Variants in ZNF443 observed in about 807,000 individuals in gnomAD.
The protein encoded by ZNF443 is zinc finger protein 443, also known as Kruppel-type zinc finger (C2H2).
A neutral mutation model predicts 12.0 loss-of-function variants in ZNF443; 3 were observed. That is an observed-to-expected ratio of 0.25 (90% confidence interval 0.11 to 0.64). The LOEUF is 0.64. ZNF443 is among the 30% of genes least tolerant of loss of function. ZNF443 has a pLI of 0.84. For missense variants in ZNF443, 770 were observed against 808.8 expected, an observed-to-expected ratio of 0.95 and a Z score of 0.58; for synonymous variants, 225 against 265.9, an observed-to-expected ratio of 0.85 and a Z score of 1.50.
chr19:12,440,089 G>A (rs1970349512), intron 1 of ZNF443, among the ~76,000 whole-genome samples: 1 of 152,052 alleles, frequency 6.6e-6, no homozygotes, highest in African/African-American at 2.4e-5. Flanking sequence ...GGAAACCACA[G>A]CTCCTCCCAC....
chr19:12,438,097 A>C (rs1003604138), intron 1 of ZNF443, among the ~76,000 whole-genome samples: 2 of 59,670 alleles, frequency 3.4e-5, no homozygotes, highest in Non-Finnish European at 6.6e-5. Flanking sequence ...ATGCTGTCTC[A>C]AAAAAAAAAA....
At chr19:12,433,644 CATA>C (rs1418958409) in intron 1 of ZNF443, among the ~76,000 whole-genome samples, 1 of 152,026 alleles carries the variant, frequency 6.6e-6, no homozygotes, top group Non-Finnish European at 1.5e-5. Flanking sequence ...GCCCCAGGAG[CATA>C]ATAACAGGGG....
At chr19:12,438,424 T>G (rs1231573084) in intron 1 of ZNF443, among the ~76,000 whole-genome samples, 1 of 152,244 alleles carries the variant, frequency 6.6e-6, no homozygotes, top group African/African-American at 2.4e-5. Context: ...CTTCTTTAGC[T>G]GTTGGAAAGT....
Position 12,431,525 on chromosome 19 carries a change from T to C in ZNF443, c.647A>G (p.Glu216Gly). 6.2e-7 allele frequency: 1 copy of C among 1,614,156 alleles called. No individual in the cohort carries two copies. The highest frequency in any genetic ancestry group is 8.5e-7 in the Non-Finnish European group (1 of 1,179,996). ...TGGTTTCTCTCCAGTGTGCGTTCTT[T>C]CATGCATATGTAATAAACTGGGCCA... ...FFWPSLLHMHERTHTGEKPYE... is the reference protein window; with the variant it reads ...FFWPSLLHMHGRTHTGEKPYE... The change falls in exon 4 of 4, where the codon GAA becomes GGA. Residue 216 changes from glutamate (E) to glycine (G), a missense_variant. This residue lies in a region of ZNF443 where 736 missense variants were observed against 689.4 expected (regional missense o/e 1.07). Transcript: ENST00000301547.
rs7256321 is a variant in ZNF443, at chr19:12,430,400, G to T, written c.1772C>A (p.Pro591Gln). Residue 591 changes from proline to glutamine, a missense_variant, in exon 4 of 4, where the codon CCA (proline) becomes CAA (glutamine). Transcript: ENST00000301547. ...ATGAGTGAAGGCTTTACCACATTGTGGACATTCATAGGATTTCTCTCTCAT... is the reference window on the plus strand; with the variant it reads ...ATGAGTGAAGGCTTTACCACATTGTTGACATTCATAGGATTTCTCTCTCAT... The part of the protein sequence containing the change: ...IHMREKSYEC[P>Q]QCGKAFTHSR... 484,199 of 1,613,052 alleles carry T rather than the reference G, an allele frequency of 0.3. 75,735 individuals are homozygous for T. The highest frequency in any genetic ancestry group is 0.47 in the South Asian group (42,698 of 91,034).
At chr19:12,436,467 C>A (rs1477370783) in intron 1 of ZNF443, among the ~76,000 whole-genome samples, 1 of 151,316 alleles carries the variant, frequency 6.6e-6, no homozygotes, top group Admixed American at 6.6e-5. Context: ...GCAACAAGAG[C>A]GAACCTCTGT....
At chr19:12,435,828 C>A (rs951816089) in intron 1 of ZNF443, among the ~76,000 whole-genome samples, 1 of 151,730 alleles carries the variant, frequency 6.6e-6, no homozygotes, top group Admixed American at 6.6e-5. Flanking sequence ...ACAGTCTGTG[C>A]AAACATACTT....
At chr19:12,434,948 TG>T (rs1315740970) in intron 1 of ZNF443, among the ~76,000 whole-genome samples, 2 of 126,584 alleles carry the variant, frequency 1.6e-5, no homozygotes, top group Non-Finnish European at 3.2e-5. Flanking sequence ...GAAACAAGGC[TG>T]CTTTTTTTTT....
intron 1 of ZNF443, among the ~76,000 whole-genome samples, chr19:12,435,468 G>C (rs953658148): frequency 1.3e-5 from 2 of 152,274 alleles, no homozygotes; most frequent in African/African-American, 4.8e-5. Flanking sequence ...CCAGATATCA[G>C]GGTACTCAAA....
At chr19:12,432,126 G>A in intron 3 of ZNF443, 146 bp from the exon 4 acceptor site, 1 of 872,678 alleles carries the variant, frequency 1.1e-6, no homozygotes, top group East Asian at 2.7e-5. Flanking sequence ...GGAATGCTGT[G>A]CAAGGTAACT....
At chr19:12,435,718 C>T (rs1970302031) in intron 1 of ZNF443, among the ~76,000 whole-genome samples, 1 of 151,224 alleles carries the variant, frequency 6.6e-6, no homozygotes, top group African/African-American at 2.4e-5. Context: ...TATGCTTCAT[C>T]TTTTTTACTA....
At position 12,430,936 on chromosome 19, in the gene ZNF443, CAT is replaced by C. The variant is rs773684519; in HGVS notation, c.1234_1235del (p.Met412AspfsTer10). The C allele has an allele frequency of 2.5e-6, 4 of 1,613,754 alleles. No homozygotes were observed. Among genetic ancestry groups the C allele is most frequent in the Admixed American group, 1.7e-5 (1 of 59,984 alleles). The stretch of plus-strand genomic sequence containing the variant: ...GAGGTCCATCTCCAGTGTGCATTAT[CAT>C]ATGACTTCGAAAGCTTGAGCGATGA... ...LSHRSSFRSH[M>X]IMHTGDGPHK... On this transcript the variant is annotated frameshift_variant, in exon 4 of 4. Transcript: ENST00000301547. LOFTEE classifies it low-confidence loss of function (END_TRUNC).
chr19:12,437,364 C>T (rs1316176759), intron 1 of ZNF443, among the ~76,000 whole-genome samples: 2 of 150,178 alleles, frequency 1.3e-5, no homozygotes, highest in East Asian at 3.9e-4. Flanking sequence ...ACTATGATTG[C>T]TCCACTGCAC....
chr19:12,434,615 C>G (rs1440393058), intron 1 of ZNF443, among the ~76,000 whole-genome samples: 1 of 152,038 alleles, frequency 6.6e-6, no homozygotes, highest in Non-Finnish European at 1.5e-5. Flanking sequence ...ATGCTGGAAA[C>G]TTTCTCACCA....
Position 12,431,879 on chromosome 19 carries a change from G to A in ZNF443, c.293C>T (p.Pro98Leu), listed in dbSNP as rs371764874. ...QDSIVTKNTLPGVGPCESSMR... is the reference protein window; with the variant it reads ...QDSIVTKNTLLGVGPCESSMR... ...ACTGCTTTCACAAGGACCTACTCCA[G>A]GAAGAGTGTTCTTGGTCACAATACT... The change falls in exon 4 of 4, where the codon CCT becomes CTT. Residue 98 changes from proline to leucine, a missense_variant. This residue lies in a region of ZNF443 where 736 missense variants were observed against 689.4 expected (regional missense o/e 1.07). Coordinates refer to ENST00000301547, the MANE Select transcript of ZNF443 (RefSeq NM_005815.5). 1 of 1,614,062 alleles carries A rather than the reference G, an allele frequency of 6.2e-7. No homozygotes were observed. Among genetic ancestry groups the A allele is most frequent in the African/African-American group, 1.3e-5 (1 of 75,026 alleles).
In ZNF443 at chr19:12,440,919, C is replaced by T; in HGVS notation, c.-5G>A. The T allele has an allele frequency of 6.2e-7, 1 of 1,614,110 alleles. No homozygotes were observed. Among genetic ancestry groups the T allele is most frequent in the South Asian group, 1.1e-5 (1 of 91,086 alleles). On this transcript the variant is annotated 5_prime_UTR_variant, in exon 1 of 4. Coordinates refer to ENST00000301547, the MANE Select transcript of ZNF443 (RefSeq NM_005815.5). ...CCGGCCCAGCACACGCACCATTTCC[C>T]GACTTCCGCGGTGTCCCAGGTCCTA...
At chr19:12,438,612 A>T (rs1296374155) in intron 1 of ZNF443, among the ~76,000 whole-genome samples, 2 of 152,152 alleles carry the variant, frequency 1.3e-5, no homozygotes, top group Non-Finnish European at 2.9e-5. Context: ...TTTTGCAGCC[A>T]TAATGGAAGA....
At chr19:12,432,146 T>C (rs1224809028) in intron 3 of ZNF443, 166 bp from the exon 4 acceptor site, 1 of 742,436 alleles carries the variant, frequency 1.3e-6, no homozygotes, top group Non-Finnish European at 2.1e-6. Context: ...TCGACCCAGG[T>C]GTTCTCAAGA....
At chr19:12,433,919 T>G (rs562077274) in intron 1 of ZNF443, among the ~76,000 whole-genome samples, 2 of 151,852 alleles carry the variant, frequency 1.3e-5, no homozygotes, top group Non-Finnish European at 2.9e-5. Flanking sequence ...ATGAATAGAT[T>G]AATCCATAAT....
Sources: gnomAD v4.1 joint callset for allele counts (sites outside exome capture counted in the v4.1 genomes callset) on GRCh38, gnomAD v4.1.1 for gene constraint, gnomAD v4.1.1 regional missense constraint, MANE v1.5 for transcripts, NCBI Gene and HGNC (gene_info 2026-07-23, HGNC 2026-07-21) for gene names.